Variants in ANKRD30BL observed in about 807,000 individuals in gnomAD.
ANKRD30BL encodes the protein putative ankyrin repeat domain-containing protein 30B-like.
A neutral mutation model predicts 18.4 loss-of-function variants in ANKRD30BL; 20 were observed. The ratio of observed to expected loss-of-function variants is 1.09; its 90% confidence interval spans 0.77 to 1.58. The LOEUF (loss-of-function observed/expected upper bound fraction) is 1.58, where lower values mean the gene tolerates loss of function less well. ANKRD30BL is among the 40% of genes most tolerant of loss of function. The pLI is 0.00. For synonymous variants in ANKRD30BL, 72 were observed against 100.9 expected (o/e 0.71, Z 1.72); for missense variants, 224 against 268.6 (o/e 0.83, Z 1.16).
intron 1 of ANKRD30BL, among the ~76,000 whole-genome samples, chr2:132,237,138 G>A (rs901994260): frequency 2.6e-5 from 4 of 151,242 alleles, no homozygotes; most frequent in East Asian, 1.9e-4. Context: ...GGTGGGGGGA[G>A]GGGTGAGGGA....
At position 132,222,032 on chromosome 2, in the gene ANKRD30BL, C is replaced by T. The variant is rs1234963561; in HGVS notation, n.441+35497G>A. On this transcript the variant is annotated intron_variant and non_coding_transcript_variant, in intron 1 of 4. Transcript: ENST00000470729. ...CCTCTGCCCGGCCAGCCACCCTGTC[C>T]GGGAGGGAGGCGGGGGGGGGGGTCG... 7.0e-3 allele frequency among the ~76,000 whole-genome samples: 655 copies of T among 92,910 alleles called. 7 individuals carry two copies. The highest frequency in any genetic ancestry group is 0.021 in the African/African-American group (438 of 21,068). The allele number at this position is 92,910 out of a possible 152,430, so 61.0% of individuals were successfully genotyped here. A position where few individuals can be genotyped will look rare whatever the true frequency, so the allele number is the denominator to read the frequency against.
chr2:132,217,092 T>C (rs1396064231), intron 1 of ANKRD30BL, among the ~76,000 whole-genome samples: 3 of 151,564 alleles, frequency 2.0e-5, no homozygotes, highest in African/African-American at 7.3e-5. Flanking sequence ...AGGAAATATC[T>C]TCACATAAAA....
At chr2:132,256,923 A>G in intron 1 of ANKRD30BL, 1 of 478,810 alleles carries the variant, frequency 2.1e-6, no homozygotes, top group Non-Finnish European at 4.2e-6. Flanking sequence ...AGGGACCGCG[A>G]GGGCAAGGGC....
At chr2:132,219,837 A>G (rs1573856811) in intron 1 of ANKRD30BL, among the ~76,000 whole-genome samples, 1 of 152,076 alleles carries the variant, frequency 6.6e-6, no homozygotes, top group African/African-American at 2.4e-5. Flanking sequence ...TCACATAAAC[A>G]CTAGACAGAA....
intron 1 of ANKRD30BL, among the ~76,000 whole-genome samples, chr2:132,218,542 T>C (rs543081267): frequency 4.6e-5 from 7 of 152,404 alleles, no homozygotes; most frequent in Admixed American, 3.3e-4. Flanking sequence ...TAATTTCTTT[T>C]GATAGAGCAG....
chr2:132,233,820 T>G (rs1420715130), intron 1 of ANKRD30BL, among the ~76,000 whole-genome samples: 1 of 150,768 alleles, frequency 6.6e-6, no homozygotes, highest in Non-Finnish European at 1.5e-5. Flanking sequence ...TGAACTCAGC[T>G]CTGCACCAAG....
chr2:132,196,027 A>G (rs1678959892), intron 1 of ANKRD30BL, among the ~76,000 whole-genome samples: 1 of 151,210 alleles, frequency 6.6e-6, no homozygotes, highest in Non-Finnish European at 1.5e-5. Context: ...CTGTAGTCCC[A>G]GCTATTCGGG....
At position 132,257,380 on chromosome 2, in the gene ANKRD30BL, C is replaced by G. The variant is rs572175944; in HGVS notation, n.441+149G>C. On this transcript the variant is annotated intron_variant and non_coding_transcript_variant, in intron 1 of 4. Transcript: ENST00000470729. ...GAACGCCAGGCACAGCCACCGCTCA[C>G]GCAGCCTCCCAACCGCTAGGACGCC... The G allele has an allele frequency of 9.0e-6, 3 of 333,918 alleles. No homozygotes were observed. In the East Asian group the frequency reaches 3.7e-4, roughly 41 times the overall value. 20.7% of individuals were successfully genotyped at this position (333,918 alleles called of 1,614,324 possible).
intron 1 of ANKRD30BL, among the ~76,000 whole-genome samples, chr2:132,187,893 G>T (rs1688597791): frequency 6.6e-6 from 1 of 151,850 alleles, no homozygotes; most frequent in African/African-American, 2.4e-5. Context: ...CAAGTAGCTG[G>T]GATTACAGGC....
intron 1 of ANKRD30BL, among the ~76,000 whole-genome samples, chr2:132,253,866 G>GA (rs1680739973): frequency 6.6e-6 from 1 of 152,110 alleles, no homozygotes. Flanking sequence ...AGGCTGGGGA[G>GA]AGCAAGCGGG....
intron 1 of ANKRD30BL, among the ~76,000 whole-genome samples, chr2:132,232,007 C>T (rs1408545225): frequency 2.0e-5 from 3 of 152,230 alleles, no homozygotes; most frequent in Non-Finnish European, 4.4e-5. Flanking sequence ...CAGACTGCCT[C>T]ATCAAGTGGG....
At chr2:132,226,840 A>C (rs576005370) in intron 1 of ANKRD30BL, among the ~76,000 whole-genome samples, 7 of 151,932 alleles carry the variant, frequency 4.6e-5, no homozygotes, top group Admixed American at 3.3e-4. Context: ...AGCGCTTTGC[A>C]GCCTAAGTTA....
chr2:132,255,970 T>C (rs1680823469), intron 1 of ANKRD30BL, among the ~76,000 whole-genome samples: 1 of 152,282 alleles, frequency 6.6e-6, no homozygotes, highest in Admixed American at 6.5e-5. Flanking sequence ...TTGGTTTTGA[T>C]CTGATAAATG....
intron 1 of ANKRD30BL, among the ~76,000 whole-genome samples, chr2:132,255,476 G>A (rs72869430): frequency 2.0e-5 from 3 of 149,488 alleles, no homozygotes; most frequent in Non-Finnish European, 4.5e-5. Context: ...AAGCAGGGAC[G>A]GGCTGTGGCT....
intron 1 of ANKRD30BL, among the ~76,000 whole-genome samples, chr2:132,198,560 T>C (rs1679025729): frequency 6.6e-6 from 1 of 151,842 alleles, no homozygotes; most frequent in Non-Finnish European, 1.5e-5. Context: ...CCTGACCTCG[T>C]GATCTGCCCG....
intron 1 of ANKRD30BL, among the ~76,000 whole-genome samples, chr2:132,227,169 T>C (rs542011994): frequency 2.0e-5 from 3 of 151,906 alleles, no homozygotes; most frequent in Non-Finnish European, 4.4e-5. Flanking sequence ...AGTGGATATT[T>C]GACTGCTTTG....
At chr2:132,166,451 T>A (rs1688189403), upstream of ANKRD30BL, among the ~76,000 whole-genome samples, 1 of 152,118 alleles carries the variant, frequency 6.6e-6, no homozygotes, top group African/African-American at 2.4e-5. Flanking sequence ...GGGGGGGTTA[T>A]TAACTATTTA....
At chr2:132,227,108 A>G (rs948324179) in intron 1 of ANKRD30BL, among the ~76,000 whole-genome samples, 7 of 152,140 alleles carry the variant, frequency 4.6e-5, no homozygotes, top group African/African-American at 1.7e-4. Context: ...ACAGAGTTGA[A>G]TATTCATTTT....
intron 1 of ANKRD30BL, among the ~76,000 whole-genome samples, chr2:132,189,862 C>G (rs939654294): frequency 6.6e-6 from 1 of 151,998 alleles, no homozygotes; most frequent in African/African-American, 2.4e-5. Flanking sequence ...ATAATCACCA[C>G]TGTTTCTGTT....
Sources: allele counts gnomAD v4.1 joint callset (sites outside exome capture counted in the v4.1 genomes callset), GRCh38; gene constraint gnomAD v4.1.1; transcripts MANE v1.5; gene names NCBI Gene and HGNC (gene_info 2026-07-23, HGNC 2026-07-21).